The following HCK variants were observed in gnomAD, a reference collection of about 807,000 sequenced individuals.
HCK encodes HCK proto-oncogene, Src family tyrosine kinase, also known as tyrosine-protein kinase HCK.
In HCK, 40 loss-of-function variants were observed where a neutral mutation model predicts 70.4. The observed-to-expected ratio is 0.57, with a 90% confidence interval of 0.44 to 0.74. The LOEUF (loss-of-function observed/expected upper bound fraction) is 0.74, where lower values mean the gene tolerates loss of function less well. Ranked by LOEUF, HCK falls within the 30% of genes least tolerant of loss-of-function variation. The probability of loss-of-function intolerance (pLI) is 0.00; values close to 1 mark genes in which losing one functional copy is unlikely to be tolerated. For synonymous variants in HCK, 245 were observed against 263.2 expected (o/e 0.93, Z 0.67); for missense variants, 568 against 697.2 (o/e 0.81, Z 2.09).
At chr20:32,085,584 A>C (rs1485045458) in intron 8 of HCK, among the ~76,000 whole-genome samples, 4 of 152,166 alleles carry the variant, frequency 2.6e-5, no homozygotes, top group Non-Finnish European at 4.4e-5. Context: ...GACAGATCTG[A>C]GTGGTGAGAT....
chr20:32,093,197 G>A (rs566908243), intron 10 of HCK, among the ~76,000 whole-genome samples: 3 of 152,202 alleles, frequency 2.0e-5, no homozygotes, highest in Admixed American at 1.3e-4. Flanking sequence ...CGCCCACCTC[G>A]GCCTCCCAAA....
intron 5 of HCK, among the ~76,000 whole-genome samples, chr20:32,076,872 G>T (rs2045634980): frequency 6.6e-6 from 1 of 152,014 alleles, no homozygotes. Context: ...GAACACTTGA[G>T]GTCAGGAGTT....
chr20:32,085,374 C>T (rs575528985), intron 8 of HCK, among the ~76,000 whole-genome samples: 25 of 152,070 alleles, frequency 1.6e-4, no homozygotes, highest in African/African-American at 5.8e-4. Flanking sequence ...ATTAGCCAGG[C>T]GTGGTGGTGG....
chr20:32,068,965 T>C (rs1234556206), intron 1 of HCK, among the ~76,000 whole-genome samples: 1 of 152,000 alleles, frequency 6.6e-6, no homozygotes, highest in African/African-American at 2.4e-5. Flanking sequence ...CACACTTTAT[T>C]GTGCAAAAAT....
At chr20:32,056,464 C>G (rs567236143) in intron 1 of HCK, among the ~76,000 whole-genome samples, 1 of 151,530 alleles carries the variant, frequency 6.6e-6, no homozygotes. Context: ...TGCAGTGAGC[C>G]GAGATCGAGC....
Position 32,093,918 on chromosome 20 carries a change from G to A in HCK, c.1148G>A (p.Arg383Gln). 6.2e-6 allele frequency: 10 copies of A among 1,614,014 alleles called. No homozygotes were observed. Among genetic ancestry groups the A allele is most frequent in the Non-Finnish European group, 8.5e-6 (10 of 1,179,980 alleles). The change falls in exon 11 of 13, where the codon CGA becomes CAA. Residue 383 changes from arginine (R) to glutamine (Q), a missense_variant. Arg to Gln is a conservative substitution (Grantham distance 43). This residue lies in a region of HCK where 160 missense variants were observed against 237.5 expected (regional missense o/e 0.67). Transcript: ENST00000375852. ...AGGAACTACATCCACCGAGACCTCCGAGCTGCCAACATCTTGGTCTCTGCA... is the reference window on the plus strand; with the variant it reads ...AGGAACTACATCCACCGAGACCTCCAAGCTGCCAACATCTTGGTCTCTGCA...
chr20:32,077,646 C>A (rs1177714301), intron 5 of HCK, among the ~76,000 whole-genome samples: 1 of 152,150 alleles, frequency 6.6e-6, no homozygotes, highest in African/African-American at 2.4e-5. Flanking sequence ...CCTGCCTCAG[C>A]CTCCCAAGTA....
chr20:32,066,688 A>G (rs987750345), intron 1 of HCK, among the ~76,000 whole-genome samples: 1 of 152,170 alleles, frequency 6.6e-6, no homozygotes, highest in Non-Finnish European at 1.5e-5. Context: ...TGTTTCTGTC[A>G]ACAGACAATT....
intron 12 of HCK, among the ~76,000 whole-genome samples, chr20:32,100,295 G>A (rs1041847942): frequency 2.6e-5 from 4 of 152,196 alleles, no homozygotes; most frequent in Non-Finnish European, 5.9e-5. Flanking sequence ...AGCATGGAGA[G>A]TGAATGGGAG....
Position 32,084,564 on chromosome 20 carries a change from C to T in HCK, c.835+21C>T, listed in dbSNP as rs374949285. On this transcript the variant is annotated intron_variant, in intron 8 of 12. Coordinates refer to ENST00000375852, the MANE Select transcript of HCK (RefSeq NM_002110.5). ...GATGGGTAAGGACCCAGGGCCACAG[C>T]CCACAGGGCCAGAGGGTGGAGGGGA... The T allele has an allele frequency of 1.6e-5, 26 of 1,605,316 alleles. No individual in the cohort carries two copies. In the African/African-American group the frequency reaches 3.1e-4, roughly 19 times the overall value.
At chr20:32,063,860 T>C (rs897350069) in intron 1 of HCK, among the ~76,000 whole-genome samples, 4 of 151,800 alleles carry the variant, frequency 2.6e-5, no homozygotes, top group African/African-American at 9.7e-5. Context: ...CAGGCGAGGC[T>C]TAATCCAAGG....
intron 12 of HCK, 69 bp from the exon 13 acceptor site, chr20:32,101,248 C>T (rs2046028650): frequency 2.1e-6 from 3 of 1,444,470 alleles, no homozygotes; most frequent in South Asian, 1.2e-5. Flanking sequence ...GGGGAGGCCA[C>T]AGGGCCTGCC....
chr20:32,083,454 T>C (rs891399976), intron 6 of HCK, among the ~76,000 whole-genome samples: 6 of 152,200 alleles, frequency 3.9e-5, no homozygotes, highest in African/African-American at 1.4e-4. Flanking sequence ...AAGTAAAAAG[T>C]ATACTATGGT....
intron 10 of HCK, among the ~76,000 whole-genome samples, chr20:32,092,719 C>T (rs952891712): frequency 3.3e-5 from 5 of 152,210 alleles, no homozygotes; most frequent in African/African-American, 1.2e-4. Flanking sequence ...TCTGTGGCAT[C>T]TTCTGCTGGC....
intron 10 of HCK, among the ~76,000 whole-genome samples, chr20:32,092,195 G>A (rs1436436611): frequency 2.6e-5 from 4 of 152,038 alleles, no homozygotes; most frequent in African/African-American, 4.8e-5. Flanking sequence ...GCAGTCTGCC[G>A]GAGCACTGGA....
intron 6 of HCK, among the ~76,000 whole-genome samples, chr20:32,083,149 A>G (rs1000216350): frequency 6.6e-6 from 1 of 152,010 alleles, no homozygotes; most frequent in African/African-American, 2.4e-5. Context: ...TCTTGTTTCC[A>G]TCTTCACCTC....
chr20:32,061,502 T>G (rs2045375839), intron 1 of HCK, among the ~76,000 whole-genome samples: 1 of 152,074 alleles, frequency 6.6e-6, no homozygotes, highest in Admixed American at 6.5e-5. Flanking sequence ...ATCTGAGAGG[T>G]GCATCCTCAT....
intron 1 of HCK, among the ~76,000 whole-genome samples, chr20:32,055,420 T>C (rs1568949957): frequency 6.6e-6 from 1 of 152,212 alleles, no homozygotes; most frequent in Non-Finnish European, 1.5e-5. Flanking sequence ...TTTTCATGTA[T>C]CTTTATGTAG....
rs942838789 is a variant in HCK at position 32,084,028 on chromosome 20, G to A, written c.667G>A (p.Val223Met). The stretch of plus-strand genomic sequence containing the variant: ...CACCTTCAGCACTCTGCAGGAGCTG[G>A]TGGACCACTACAAGAGTGAGTCCCA... The change falls in exon 7 of 13, where the codon GTG becomes ATG. Residue 223 changes from valine to methionine, a missense_variant. Around this residue, in one of 4 missense-constraint regions of HCK, gnomAD observed 318 missense variants for 336.0 expected, o/e 0.95. Coordinates refer to ENST00000375852, the MANE Select transcript of HCK (RefSeq NM_002110.5). 1 of 1,613,834 alleles carries A rather than the reference G, an allele frequency of 6.2e-7. No individual in the cohort carries two copies. The highest frequency in any genetic ancestry group is 8.5e-7 in the Non-Finnish European group (1 of 1,180,012).
Sources: gnomAD v4.1 joint callset for allele counts (sites outside exome capture counted in the v4.1 genomes callset) on GRCh38, gnomAD v4.1.1 for gene constraint, gnomAD v4.1.1 regional missense constraint, MANE v1.5 for transcripts, NCBI Gene and HGNC (gene_info 2026-07-23, HGNC 2026-07-21) for gene names.